The following PTH2R variants were observed in gnomAD, a reference collection of about 807,000 sequenced individuals.
PTH2R encodes parathyroid hormone 2 receptor.
PTH2R carries 59 observed loss-of-function variants against 60.3 expected under a neutral mutation model. The observed-to-expected ratio is 0.98, with a 90% CI of 0.79 to 1.22. PTH2R has a LOEUF of 1.22. Ranked by LOEUF, PTH2R falls within the 50% of genes most tolerant of loss-of-function variation. The pLI is 0.00. For missense variants in PTH2R, 749 were observed against 682.6 expected, an observed-to-expected ratio of 1.10 and a Z score of -1.08; for synonymous variants, 256 against 243.8, an observed-to-expected ratio of 1.05 and a Z score of -0.47.
At chr2:208,433,476 G>A (rs1702013537) in intron 2 of PTH2R, among the ~76,000 whole-genome samples, 1 of 152,174 alleles carries the variant, frequency 6.6e-6, no homozygotes, top group South Asian at 2.1e-4. Flanking sequence ...ATATTTAGGA[G>A]TGAGCTGTCA....
chr2:208,414,678 G>A (rs748842568), intron 1 of PTH2R, among the ~76,000 whole-genome samples: 1 of 151,730 alleles, frequency 6.6e-6, no homozygotes, highest in Non-Finnish European at 1.5e-5. Flanking sequence ...GACAAACTAT[G>A]GTCTGCTAAC....
chr2:208,378,549 G>A (rs1700854057), intron 1 of PTH2R, among the ~76,000 whole-genome samples: 1 of 152,040 alleles, frequency 6.6e-6, no homozygotes, highest in Non-Finnish European at 1.5e-5. Flanking sequence ...ATTAGCTCAG[G>A]AGGGTGGAGC....
At chr2:208,374,905 G>A (rs2125872397) in intron 1 of PTH2R, among the ~76,000 whole-genome samples, 2 of 152,190 alleles carry the variant, frequency 1.3e-5, no homozygotes, top group East Asian at 3.9e-4. Context: ...TAGATCCGGT[G>A]CTGCAAAGAT....
At chr2:208,484,690 C>T (rs1327992283) in intron 10 of PTH2R, among the ~76,000 whole-genome samples, 1 of 152,084 alleles carries the variant, frequency 6.6e-6, no homozygotes, top group African/African-American at 2.4e-5. Context: ...TTAGACAAAA[C>T]TCATATTTAA....
At chr2:208,484,494 T>A (rs1231076943) in intron 10 of PTH2R, among the ~76,000 whole-genome samples, 1 of 152,208 alleles carries the variant, frequency 6.6e-6, no homozygotes, top group East Asian at 1.9e-4. Flanking sequence ...TGAATAAAAT[T>A]CAGTCATCTA....
In PTH2R at chr2:208,489,101, T is replaced by G; in HGVS notation, c.1166T>G (p.Leu389Arg). 1.2e-6 allele frequency: 2 copies of G among 1,614,152 alleles called. No homozygotes were observed. Among genetic ancestry groups the G allele is most frequent in the Non-Finnish European group, 8.5e-7 (1 of 1,180,014 alleles). The change falls in exon 11 of 13, where the codon CTC becomes CGC. Residue 389 changes from leucine to arginine, a missense_variant. Physicochemically the swap from Leu to Arg is moderately radical, Grantham distance 102. Coordinates refer to ENST00000272847, the MANE Select transcript of PTH2R (RefSeq NM_005048.4). ...TGCCTGCCTCACTCCTTCACTGGGCTCGGGTGGGAGATCCGCATGCACTGT... is the reference window on the plus strand; with the variant it reads ...TGCCTGCCTCACTCCTTCACTGGGCGCGGGTGGGAGATCCGCATGCACTGT... ...FVCLPHSFTG[L>R]GWEIRMHCEL...
chr2:208,461,237 C>T (rs1320428827), intron 9 of PTH2R, among the ~76,000 whole-genome samples: 1 of 152,026 alleles, frequency 6.6e-6, no homozygotes, highest in African/African-American at 2.4e-5. Context: ...AATGTATAAA[C>T]ACCTGTAATT....
intron 8 of PTH2R, among the ~76,000 whole-genome samples, 178 bp downstream of exon 8, chr2:208,450,987 A>G (rs1702396781): frequency 6.6e-6 from 1 of 152,178 alleles, no homozygotes; most frequent in Admixed American, 6.6e-5. Context: ...TGTCTATTCC[A>G]GAGGTCATAG....
intron 10 of PTH2R, among the ~76,000 whole-genome samples, chr2:208,486,067 G>C (rs1444853817): frequency 2.0e-5 from 3 of 152,154 alleles, no homozygotes; most frequent in African/African-American, 7.2e-5. Flanking sequence ...AATGAACTTA[G>C]AAGTGAACCC....
chr2:208,447,686 C>T, intron 7 of PTH2R, among the ~76,000 whole-genome samples: 1 of 151,196 alleles, frequency 6.6e-6, no homozygotes, highest in East Asian at 1.9e-4. Flanking sequence ...GAATAGGTGT[C>T]ATATCTGACC....
chr2:208,373,212 C>T (rs1574815142), intron 1 of PTH2R, among the ~76,000 whole-genome samples: 1 of 152,032 alleles, frequency 6.6e-6, no homozygotes, highest in African/African-American at 2.4e-5. Flanking sequence ...AACAGATAAG[C>T]CATAAAGTGA....
chr2:208,361,884 A>G (rs1574802962), intron 1 of PTH2R, among the ~76,000 whole-genome samples: 1 of 152,112 alleles, frequency 6.6e-6, no homozygotes, highest in Non-Finnish European at 1.5e-5. Context: ...TGTCACCTTG[A>G]CGGGGCAAAG....
At position 208,444,767 on chromosome 2, in the gene PTH2R, T is replaced by C; in HGVS notation, c.733T>C (p.Tyr245His). ...GCKIAVVMFIYFLATNYYWIL... is the reference protein window; with the variant it reads ...GCKIAVVMFIHFLATNYYWIL... ...CAAGATTGCTGTTGTGATGTTTATT[T>C]ACTTCCTGGCTACAAATTATTATTG... Residue 245 changes from tyrosine (Y) to histidine (H), a missense_variant, in exon 7 of 13, where the codon TAC (tyrosine) becomes CAC (histidine). Coordinates refer to ENST00000272847, the MANE Select transcript of PTH2R (RefSeq NM_005048.4). 6.2e-7 allele frequency: 1 copy of C among 1,613,906 alleles called. No individual in the cohort carries two copies. The highest frequency in any genetic ancestry group is 1.3e-5 in the African/African-American group (1 of 75,030).
At chr2:208,386,484 A>G (rs1384174977) in intron 1 of PTH2R, among the ~76,000 whole-genome samples, 2 of 152,178 alleles carry the variant, frequency 1.3e-5, no homozygotes, top group South Asian at 2.1e-4. Context: ...GCACACTGCA[A>G]TCAGTCGATG....
intron 8 of PTH2R, among the ~76,000 whole-genome samples, chr2:208,455,225 A>T (rs1702486662): frequency 6.6e-6 from 1 of 152,242 alleles, no homozygotes; most frequent in Admixed American, 6.5e-5. Context: ...GGGAAGTTGC[A>T]TCAGTAAAGA....
intron 1 of PTH2R, among the ~76,000 whole-genome samples, chr2:208,376,766 C>G (rs1700799405): frequency 6.6e-6 from 1 of 152,052 alleles, no homozygotes; most frequent in African/African-American, 2.4e-5. Flanking sequence ...TATGTGGGCT[C>G]TATTCTCTGC....
chr2:208,459,989 A>G, intron 9 of PTH2R, 28 bp downstream of exon 9: 1 of 1,592,048 alleles, frequency 6.3e-7, no homozygotes. Context: ...TATAGTTAAA[A>G]AAGGGATGAA....
intron 1 of PTH2R, among the ~76,000 whole-genome samples, chr2:208,426,364 A>G (rs1244912034): frequency 2.6e-5 from 4 of 152,240 alleles, no homozygotes; most frequent in Non-Finnish European, 5.9e-5. Context: ...TAGACATTGA[A>G]AATGTAAACT....
intron 9 of PTH2R, among the ~76,000 whole-genome samples, chr2:208,464,978 G>C (rs139402033): frequency 1.3e-5 from 2 of 151,822 alleles, no homozygotes; most frequent in East Asian, 1.9e-4. Flanking sequence ...GCCATTCTTT[G>C]TTTGTTTGTT....
Sources: allele counts gnomAD v4.1 joint callset (sites outside exome capture counted in the v4.1 genomes callset), GRCh38; gene constraint gnomAD v4.1.1; transcripts MANE v1.5; gene names NCBI Gene and HGNC (gene_info 2026-07-23, HGNC 2026-07-21).